The following DMD variants were observed in gnomAD, a reference collection of about 807,000 sequenced individuals.
DMD encodes mutant dystrophin.
A neutral mutation model predicts 330.1 loss-of-function variants in DMD; 63 were observed. That is an observed-to-expected ratio of 0.19 (90% CI 0.16 to 0.24). The LOEUF (loss-of-function observed/expected upper bound fraction) is 0.24. DMD is among the 10% of genes least tolerant of loss of function. The pLI is 1.00. For synonymous variants in DMD, 1,223 were observed against 959.8 expected (o/e 1.27, Z -5.07); for missense variants, 3,344 against 2,684.1 (o/e 1.25, Z -5.43).
At chrX:32,743,422 C>A (rs2069565636) in intron 7 of DMD, among the ~76,000 whole-genome samples, 1 of 111,142 alleles carries the variant, frequency 9.0e-6, no homozygotes, top group Admixed American at 9.6e-5. Flanking sequence ...GGGAAGTATT[C>A]TGAAAATCAT....
intron 3 of DMD, among the ~76,000 whole-genome samples, chrX:32,848,658 G>T (rs1316715959): frequency 1.8e-5 from 2 of 110,893 alleles, no homozygotes; most frequent in Non-Finnish European, 3.8e-5. Flanking sequence ...TAATTGAGGA[G>T]GGATGTCAGT....
At chrX:33,267,628 G>C (rs754484253) in intron 1 of DMD, among the ~76,000 whole-genome samples, 41 of 111,512 alleles carry the variant, frequency 3.7e-4, no homozygotes, top group Non-Finnish European at 7.2e-4. Flanking sequence ...TCACACCACA[G>C]TACATCACAC....
At chrX:31,275,552 T>C (rs1264962749) in intron 62 of DMD, among the ~76,000 whole-genome samples, 1 of 111,281 alleles carries the variant, frequency 9.0e-6, no homozygotes, top group Non-Finnish European at 1.9e-5. Context: ...TTGCATATGA[T>C]GGATAGAGAA....
chrX:31,472,745 T>C (rs753614028), intron 59 of DMD, among the ~76,000 whole-genome samples: 2 of 112,210 alleles, frequency 1.8e-5, no homozygotes, highest in Non-Finnish European at 3.8e-5. Flanking sequence ...ATTTCTAGCC[T>C]ACTACACACA....
At chrX:31,239,832 AG>A (rs1042590050) in intron 63 of DMD, among the ~76,000 whole-genome samples, 4 of 111,761 alleles carry the variant, frequency 3.6e-5, no homozygotes, top group Non-Finnish European at 7.5e-5. Context: ...GTGTTATAGA[AG>A]GAAGTCAGGA....
At chrX:32,654,960 T>C (rs2060451937) in intron 9 of DMD, among the ~76,000 whole-genome samples, 1 of 112,092 alleles carries the variant, frequency 8.9e-6, no homozygotes, top group African/African-American at 3.2e-5. Context: ...TTTTCTCTGA[T>C]GGTAGTTTGA....
intron 44 of DMD, among the ~76,000 whole-genome samples, chrX:32,175,815 G>A (rs1324980669): frequency 2.7e-5 from 3 of 111,367 alleles, no homozygotes; most frequent in Admixed American, 1.9e-4. Context: ...AGATGGCTAC[G>A]TATGTAAACA....
chrX:32,205,033 A>C (rs181027848), intron 44 of DMD, among the ~76,000 whole-genome samples: 1,475 of 86,934 alleles, frequency 0.017, 34 homozygotes, highest in African/African-American at 0.06. Flanking sequence ...ACACACACAC[A>C]CACACACACC....
intron 44 of DMD, among the ~76,000 whole-genome samples, chrX:32,168,512 C>G (rs947155990): frequency 5.4e-5 from 5 of 91,788 alleles, no homozygotes; most frequent in African/African-American, 2.0e-4. Context: ...TGACTGGCAT[C>G]AAATCAAGCT....
intron 9 of DMD, among the ~76,000 whole-genome samples, chrX:32,674,796 C>A (rs750779773): frequency 6.3e-5 from 7 of 111,219 alleles, no homozygotes; most frequent in African/African-American, 2.3e-4. Flanking sequence ...GGAGGGTAGG[C>A]TTAGATTAAC....
intron 42 of DMD, among the ~76,000 whole-genome samples, chrX:32,305,974 G>A (rs1230496395): frequency 9.1e-6 from 1 of 110,352 alleles, no homozygotes; most frequent in Non-Finnish European, 1.9e-5. Flanking sequence ...TATTTGAAAT[G>A]GCAATTCCGC....
intron 9 of DMD, among the ~76,000 whole-genome samples, chrX:32,654,811 T>A (rs1469751615): frequency 9.0e-6 from 1 of 111,505 alleles, no homozygotes; most frequent in Non-Finnish European, 1.9e-5. Context: ...GGCTATTAAT[T>A]ATTGCCTCAA....
intron 30 of DMD, among the ~76,000 whole-genome samples, chrX:32,394,791 A>G (rs1273447393): frequency 9.1e-6 from 1 of 109,441 alleles, no homozygotes; most frequent in East Asian, 2.9e-4. Flanking sequence ...ATATCTGTGT[A>G]CATGTATTTA....
At chrX:33,294,109 G>C (rs977103189) in intron 1 of DMD, among the ~76,000 whole-genome samples, 16 of 111,604 alleles carry the variant, frequency 1.4e-4, no homozygotes, top group African/African-American at 5.2e-4. Context: ...CTGTCACACA[G>C]AGCTAGAGAG....
At chrX:32,760,856 G>A (rs1029571231) in intron 7 of DMD, among the ~76,000 whole-genome samples, 2 of 111,331 alleles carry the variant, frequency 1.8e-5, no homozygotes, top group Non-Finnish European at 3.8e-5. Flanking sequence ...ATAGCTTTTT[G>A]TACCTCACAT....
chrX:31,789,485 C>G (rs915751278), intron 50 of DMD, among the ~76,000 whole-genome samples: 1 of 111,100 alleles, frequency 9.0e-6, no homozygotes, highest in African/African-American at 3.3e-5. Context: ...TAGTAGAGAT[C>G]ACACAAATTT....
At chrX:32,672,808 C>T in intron 9 of DMD, among the ~76,000 whole-genome samples, 1 of 110,629 alleles carries the variant, frequency 9.0e-6, no homozygotes, top group Non-Finnish European at 1.9e-5. Context: ...AAATAACTAC[C>T]TGGCATAGAT....
chrX:31,992,602 A>G (rs1158660311), intron 44 of DMD, among the ~76,000 whole-genome samples: 1 of 110,627 alleles, frequency 9.0e-6, no homozygotes, highest in Non-Finnish European at 1.9e-5. Context: ...TTCTTGGCTC[A>G]CTCCTCTCCT....
intron 8 of DMD, among the ~76,000 whole-genome samples, chrX:32,698,303 C>G (rs904306234): frequency 1.8e-5 from 2 of 111,262 alleles, no homozygotes; most frequent in Non-Finnish European, 3.8e-5. Context: ...CCGGCAAAAA[C>G]AGGCATCCAT....
Sources: gnomAD v4.1 joint callset for allele counts (sites outside exome capture counted in the v4.1 genomes callset) on GRCh38, gnomAD v4.1.1 for gene constraint, MANE v1.5 for transcripts, NCBI Gene and HGNC (gene_info 2026-07-23, HGNC 2026-07-21) for gene names.